Variants in PCDHGA9 observed in about 807,000 individuals in gnomAD.
PCDHGA9 encodes the protein protocadherin gamma-A9.
Under a neutral mutation model 62.5 loss-of-function variants are expected in PCDHGA9, and 37 were observed. The observed-to-expected ratio is 0.59, with a 90% CI of 0.46 to 0.78. The LOEUF (loss-of-function observed/expected upper bound fraction) is 0.78, where lower values mean the gene tolerates loss of function less well. Ranked by LOEUF, PCDHGA9 falls within the 30% of genes least tolerant of loss-of-function variation. PCDHGA9 has a pLI of 0.00. For missense variants in PCDHGA9, 1,138 were observed against 1,166.2 expected (o/e 0.98, Z 0.35); for synonymous variants, 459 against 484.6 (o/e 0.95, Z 0.69).
intron 1 of PCDHGA9, chr5:141,423,123 A>G: frequency 1.2e-6 from 2 of 1,613,766 alleles, no homozygotes; most frequent in Non-Finnish European, 1.7e-6. Flanking sequence ...CAGCGCGGGC[A>G]CTGCTGGACA....
intron 1 of PCDHGA9, among the ~76,000 whole-genome samples, chr5:141,483,373 G>A (rs1410856257): frequency 6.6e-6 from 1 of 152,166 alleles, no homozygotes; most frequent in Admixed American, 6.5e-5. Flanking sequence ...TGCAATATTT[G>A]AAGAGAAGAT....
chr5:141,414,052 T>C, intron 1 of PCDHGA9: 1 of 1,610,346 alleles, frequency 6.2e-7, no homozygotes, highest in Non-Finnish European at 8.5e-7. Flanking sequence ...TGACACGCAA[T>C]TGTTGAAGTT....
chr5:141,427,978 T>C (rs750753961), intron 1 of PCDHGA9: 1 of 1,595,484 alleles, frequency 6.3e-7, no homozygotes, highest in African/African-American at 1.3e-5. Flanking sequence ...TACCCCGCGC[T>C]GGGGCCCGAT....
intron 1 of PCDHGA9, among the ~76,000 whole-genome samples, chr5:141,446,174 G>A (rs1242027176): frequency 1.3e-5 from 2 of 152,062 alleles, no homozygotes; most frequent in Non-Finnish European, 2.9e-5. Context: ...GAGGGCAGGG[G>A]GTGTTTTGTT....
Position 141,476,008 on chromosome 5 carries a change from G to T in PCDHGA9, c.2425-18799G>T. 1 of 1,282,144 alleles carries T rather than the reference G, an allele frequency of 7.8e-7. No homozygotes were observed. Among genetic ancestry groups the T allele is most frequent in the Non-Finnish European group, 1.1e-6 (1 of 935,996 alleles). 79.4% of individuals were successfully genotyped at this position (1,282,144 alleles called of 1,614,324 possible). On this transcript the variant is annotated intron_variant, in intron 1 of 3. Coordinates refer to ENST00000573521, the MANE Select transcript of PCDHGA9 (RefSeq NM_018921.3). This position sits in a 1 kb window ranked among gnomAD's most constrained non-coding sequence, Gnocchi z 7.6. ...CGAGCAAATCAACGGCATCCAGAAA[G>T]CCATGTCGGACTCGGCGCCCAGCGC... is the stretch of plus-strand genomic sequence containing the variant.
At chr5:141,453,201 C>A (rs115660512) in intron 1 of PCDHGA9, among the ~76,000 whole-genome samples, 1 of 152,206 alleles carries the variant, frequency 6.6e-6, no homozygotes, top group South Asian at 2.1e-4. Flanking sequence ...GCAGCCTCAA[C>A]CTCGTGCACT....
At chr5:141,424,894 T>C (rs868851823) in intron 1 of PCDHGA9, among the ~76,000 whole-genome samples, 44 of 152,320 alleles carry the variant, frequency 2.9e-4, no homozygotes, top group African/African-American at 9.9e-4. Flanking sequence ...TCTAGGGTTT[T>C]TGATCACAGG....
chr5:141,499,486 C>T (rs569172977), intron 2 of PCDHGA9, among the ~76,000 whole-genome samples: 3 of 152,284 alleles, frequency 2.0e-5, no homozygotes, highest in East Asian at 1.9e-4. Context: ...CCACCAACTA[C>T]AGTTTAATAT....
rs374200575 is a variant in PCDHGA9, at chr5:141,432,105, C to T, written c.2424+26729C>T. On this transcript the variant is annotated intron_variant, in intron 1 of 3. Transcript: ENST00000573521. The surrounding 1 kb of genome is among the most constrained non-coding windows in gnomAD (Gnocchi z 6.0). ...AACGTGGCAGACACCAACGACAACC[C>T]GCCGGTCTTCCCTCAGGCCTCCTAT... 1.9e-6 allele frequency: 3 copies of T among 1,614,172 alleles called. No homozygotes were observed. Among genetic ancestry groups the T allele is most frequent in the Admixed American group, 3.3e-5 (2 of 60,032 alleles).
chr5:141,507,478 C>T (rs933478897), intron 3 of PCDHGA9, among the ~76,000 whole-genome samples: 5 of 152,158 alleles, frequency 3.3e-5, no homozygotes, highest in African/African-American at 1.2e-4. Flanking sequence ...GGACTGCTGG[C>T]CTCCTGAGGC....
At chr5:141,419,405 G>T (rs1219399978) in intron 1 of PCDHGA9, 1 of 1,613,512 alleles carries the variant, frequency 6.2e-7, no homozygotes, top group South Asian at 1.1e-5. Context: ...GGTGGTGTTC[G>T]CGCAGCGCGC....
At chr5:141,405,795 G>T (rs2094718009) in intron 1 of PCDHGA9, among the ~76,000 whole-genome samples, 1 of 149,108 alleles carries the variant, frequency 6.7e-6, no homozygotes, top group African/African-American at 2.4e-5. Context: ...TTCTATTATA[G>T]TTAGCTTTCT....
rs1472806327 is a variant in PCDHGA9 at position 141,447,891 on chromosome 5, G to C, written c.2424+42515G>C. Among the ~76,000 whole-genome samples the C allele has an allele frequency of 1.3e-5, 2 of 152,080 alleles. 1 individual carries two copies. Among genetic ancestry groups the C allele is most frequent in the African/African-American group, 4.8e-5 (2 of 41,408 alleles). On this transcript the variant is annotated intron_variant, in intron 1 of 3. Coordinates refer to ENST00000573521, the MANE Select transcript of PCDHGA9 (RefSeq NM_018921.3). Reference sequence around the variant, plus strand: ...ATCTGAGGTCAGGAGTTCGAGACCAGCCTGGCCAACATGGTGAAACTCTGT... The same window carrying C: ...ATCTGAGGTCAGGAGTTCGAGACCACCCTGGCCAACATGGTGAAACTCTGT...
intron 1 of PCDHGA9, among the ~76,000 whole-genome samples, chr5:141,471,998 A>T (rs938492822): frequency 5.3e-5 from 8 of 152,276 alleles, no homozygotes; most frequent in South Asian, 2.1e-4. Context: ...AAATCCCTGC[A>T]TCGTATAGGG....
intron 1 of PCDHGA9, among the ~76,000 whole-genome samples, chr5:141,472,980 C>CA (rs60579131): frequency 0.042 from 3,623 of 85,966 alleles, 71 homozygotes; most frequent in South Asian, 0.079. Context: ...GAGTGAAACT[C>CA]AAAAAAAAAA....
chr5:141,469,802 C>T (rs2099211446), intron 1 of PCDHGA9, among the ~76,000 whole-genome samples: 1 of 152,022 alleles, frequency 6.6e-6, no homozygotes, highest in Admixed American at 6.6e-5. Flanking sequence ...ATTGCAAAAA[C>T]ATTGTAGATA....
intron 1 of PCDHGA9, chr5:141,419,210 G>A: frequency 6.2e-7 from 1 of 1,613,926 alleles, no homozygotes; most frequent in Non-Finnish European, 8.5e-7. Flanking sequence ...CAACGCGCCG[G>A]TTTTCGGACA....
rs1308930168 is a variant in PCDHGA9, at chr5:141,489,620, A to G, written c.2425-5187A>G. 2.5e-6 allele frequency: 4 copies of G among 1,614,058 alleles called. No individual in the cohort carries two copies. Among genetic ancestry groups the G allele is most frequent in the South Asian group, 2.2e-5 (2 of 91,072 alleles). The stretch of plus-strand genomic sequence containing the variant: ...GTAGAGGTAGAGATCCTGGATCTCA[A>G]TGACAACTCTCCTAGCTTTGCCACC... On this transcript the variant is annotated intron_variant, in intron 1 of 3. Transcript: ENST00000573521. This position sits in a 1 kb window ranked among gnomAD's most constrained non-coding sequence, Gnocchi z 4.5.
chr5:141,418,730 G>GT, intron 1 of PCDHGA9: 1 of 1,613,952 alleles, frequency 6.2e-7, no homozygotes, highest in Non-Finnish European at 8.5e-7. Context: ...AGCTCAGCAC[G>GT]TGTTCTCTCT....
Sources: gnomAD v4.1 joint callset for allele counts (sites outside exome capture counted in the v4.1 genomes callset) on GRCh38, gnomAD v4.1.1 for gene constraint, Gnocchi (gnomAD v3.1) non-coding constraint, MANE v1.5 for transcripts, NCBI Gene and HGNC (gene_info 2026-07-23, HGNC 2026-07-21) for gene names.